The following SLC25A12 variants were observed in gnomAD, a reference collection of about 807,000 sequenced individuals.
The protein encoded by SLC25A12 is solute carrier family 25 member 12.
Under a neutral mutation model 83.3 loss-of-function variants are expected in SLC25A12, and 32 were observed. That is an observed-to-expected ratio of 0.38 (90% CI 0.29 to 0.52). SLC25A12 has a LOEUF of 0.52. SLC25A12 is among the 20% of genes least tolerant of loss of function. The pLI is 0.84. For missense variants in SLC25A12, 611 were observed against 835.6 expected, an observed-to-expected ratio of 0.73 and a Z score of 3.31; for synonymous variants, 267 against 291.1, an observed-to-expected ratio of 0.92 and a Z score of 0.84.
chr2:171,837,470 C>T (rs966867508), intron 5 of SLC25A12, among the ~76,000 whole-genome samples: 1 of 152,108 alleles, frequency 6.6e-6, no homozygotes, highest in Non-Finnish European at 1.5e-5. Flanking sequence ...TATTACTCCT[C>T]AGGAAAAAGA....
At chr2:171,854,704 G>C (rs1685010489) in intron 4 of SLC25A12, among the ~76,000 whole-genome samples, 1 of 152,188 alleles carries the variant, frequency 6.6e-6, no homozygotes, top group African/African-American at 2.4e-5. Flanking sequence ...CAAAATTACA[G>C]CCAAGGCACT....
At chr2:171,870,977 C>T (rs2105919583) in intron 2 of SLC25A12, among the ~76,000 whole-genome samples, 1 of 151,862 alleles carries the variant, frequency 6.6e-6, no homozygotes, top group East Asian at 2.0e-4. Flanking sequence ...GAGGCCAAGG[C>T]AGGAGGATCC....
rs563509337 is a variant in SLC25A12 at position 171,787,452 on chromosome 2, G to T, written c.1835+119C>A. 1.2e-4 allele frequency: 105 copies of T among 842,768 alleles called. 4 individuals carry two copies. The South Asian group carries it at 1.3e-3, about 11-fold the overall frequency. The allele number at this position is 842,768 out of a possible 1,614,324, so 52.2% of individuals were successfully genotyped here. On this transcript the variant is annotated intron_variant, in intron 17 of 17. Coordinates refer to ENST00000422440, the MANE Select transcript of SLC25A12 (RefSeq NM_003705.5). ...TAAGCTCACTGTTTTAAATGCATTG[G>T]TCTTAAAGGTTCTGTCTTATCAGTT... is the stretch of plus-strand genomic sequence containing the variant.
chr2:171,801,793 A>C (rs1303440949), intron 13 of SLC25A12, among the ~76,000 whole-genome samples: 2 of 152,134 alleles, frequency 1.3e-5, no homozygotes, highest in Non-Finnish European at 2.9e-5. Flanking sequence ...GGATAGGCTA[A>C]GCTATGACAT....
chr2:171,885,176 CA>C (rs11458998), intron 2 of SLC25A12, among the ~76,000 whole-genome samples: 219 of 120,442 alleles, frequency 1.8e-3, no homozygotes, highest in Middle Eastern at 4.9e-3. Context: ...GACTCCGTCT[CA>C]AAAAAAAAAA....
intron 4 of SLC25A12, among the ~76,000 whole-genome samples, chr2:171,850,506 C>T (rs903208748): frequency 3.3e-5 from 5 of 151,906 alleles, no homozygotes; most frequent in East Asian, 3.9e-4. Flanking sequence ...CCACCATGCC[C>T]GGCTAATTTG....
At chr2:171,862,012 C>T (rs1057482754) in intron 3 of SLC25A12, among the ~76,000 whole-genome samples, 3 of 152,104 alleles carry the variant, frequency 2.0e-5, no homozygotes, top group Admixed American at 6.5e-5. Flanking sequence ...TACGAAGCCC[C>T]TTTTTAATTT....
chr2:171,792,065 C>A (rs188956928), intron 14 of SLC25A12, among the ~76,000 whole-genome samples: 1 of 152,138 alleles, frequency 6.6e-6, no homozygotes, highest in African/African-American at 2.4e-5. Flanking sequence ...AAACCCAAAT[C>A]TTCTCTCCTC....
At chr2:171,854,150 T>C (rs566386052) in intron 4 of SLC25A12, among the ~76,000 whole-genome samples, 1 of 152,268 alleles carries the variant, frequency 6.6e-6, no homozygotes, top group South Asian at 2.1e-4. Flanking sequence ...TGATGGAGGG[T>C]TTGTGCCTTA....
chr2:171,865,466 G>A (rs1034702618), intron 3 of SLC25A12, among the ~76,000 whole-genome samples: 5 of 152,058 alleles, frequency 3.3e-5, no homozygotes, highest in Non-Finnish European at 7.4e-5. Flanking sequence ...TTCGAGATCA[G>A]CCTGGCCAAC....
intron 2 of SLC25A12, among the ~76,000 whole-genome samples, chr2:171,872,858 C>T (rs922869405): frequency 6.6e-6 from 1 of 151,634 alleles, no homozygotes; most frequent in Non-Finnish European, 1.5e-5. Flanking sequence ...CAAAAAATAC[C>T]CCCCCTTTTT....
intron 17 of SLC25A12, 107 bp downstream of exon 17, chr2:171,787,463 TC>T (rs1164218389): frequency 1.1e-6 from 1 of 901,978 alleles, no homozygotes; most frequent in African/African-American, 1.6e-5. Context: ...TCTTAAAGGT[TC>T]TGTCTTATCA....
intron 3 of SLC25A12, 115 bp downstream of exon 3, chr2:171,868,566 A>T: frequency 9.8e-7 from 1 of 1,018,772 alleles, no homozygotes; most frequent in South Asian, 1.3e-5. Context: ...CGCCCGCCTC[A>T]GCCTTCCAAA....
chr2:171,858,332 A>G (rs1284423902), intron 3 of SLC25A12, among the ~76,000 whole-genome samples: 1 of 152,230 alleles, frequency 6.6e-6, no homozygotes, highest in Non-Finnish European at 1.5e-5. Flanking sequence ...TGAGGAAGAA[A>G]AAAACAGACT....
At chr2:171,804,615 T>G (rs1319856877) in intron 13 of SLC25A12, among the ~76,000 whole-genome samples, 1 of 152,122 alleles carries the variant, frequency 6.6e-6, no homozygotes, top group Non-Finnish European at 1.5e-5. Flanking sequence ...GAAAGTATAT[T>G]AATAGTTGCC....
intron 13 of SLC25A12, among the ~76,000 whole-genome samples, chr2:171,801,408 T>C (rs1683705356): frequency 6.6e-6 from 1 of 152,216 alleles, no homozygotes; most frequent in African/African-American, 2.4e-5. Context: ...ATAATGTACT[T>C]TGAAAATTCT....
At chr2:171,846,526 G>T (rs1389672365) in intron 4 of SLC25A12, among the ~76,000 whole-genome samples, 1 of 151,958 alleles carries the variant, frequency 6.6e-6, no homozygotes, top group Non-Finnish European at 1.5e-5. Context: ...AAATTTTTTT[G>T]GCTGGGCACA....
intron 9 of SLC25A12, among the ~76,000 whole-genome samples, chr2:171,817,672 C>T (rs899622179): frequency 5.5e-5 from 8 of 145,380 alleles, no homozygotes; most frequent in Admixed American, 2.1e-4. Context: ...AATCACAAAA[C>T]TGGATGAAAA....
chr2:171,849,515 GA>G (rs1475488174), intron 4 of SLC25A12, among the ~76,000 whole-genome samples: 1 of 134,912 alleles, frequency 7.4e-6, no homozygotes, highest in Non-Finnish European at 1.6e-5. Context: ...TTCTTTTTAT[GA>G]AAGTCTTTGT....
Sources: gnomAD v4.1 joint callset for allele counts (sites outside exome capture counted in the v4.1 genomes callset) on GRCh38, gnomAD v4.1.1 for gene constraint, MANE v1.5 for transcripts, NCBI Gene and HGNC (gene_info 2026-07-23, HGNC 2026-07-21) for gene names.